The following KIF3B variants were observed in gnomAD, a reference collection of about 807,000 sequenced individuals.
KIF3B encodes kinesin-like protein KIF3B.
A neutral mutation model predicts 74.3 loss-of-function variants in KIF3B; 38 were observed. The observed-to-expected ratio is 0.51, with a 90% CI of 0.39 to 0.67. The LOEUF is 0.67. Among genes scored for constraint, KIF3B ranks in the 30% least tolerant of loss-of-function variants. The pLI, the probability that KIF3B is intolerant of heterozygous loss-of-function variation, is 0.00. For missense variants in KIF3B, 649 were observed against 932.0 expected, an observed-to-expected ratio of 0.70 and a Z score of 3.95; for synonymous variants, 326 against 342.5, an observed-to-expected ratio of 0.95 and a Z score of 0.53.
At chr20:32,287,399 G>A (rs757852520) in intron 1 of KIF3B, among the ~76,000 whole-genome samples, 4 of 151,982 alleles carry the variant, frequency 2.6e-5, no homozygotes, top group Non-Finnish European at 5.9e-5. Context: ...ATAGCTCACC[G>A]TAACCTCCAG....
intron 5 of KIF3B, among the ~76,000 whole-genome samples, chr20:32,322,523 G>A (rs2047865125): frequency 1.4e-5 from 2 of 146,132 alleles, no homozygotes; most frequent in South Asian, 2.1e-4. Flanking sequence ...CAAGAGAATC[G>A]CTTGAACCCT....
intron 1 of KIF3B, among the ~76,000 whole-genome samples, chr20:32,285,629 C>T (rs545295607): frequency 2.0e-5 from 3 of 152,306 alleles, no homozygotes; most frequent in South Asian, 4.1e-4. Flanking sequence ...GCAAGTGACT[C>T]AACCTCTCTA....
rs771819152 is a variant in KIF3B, at chr20:32,327,652, C to T, written c.1959C>T (p.Ala653=). 3 of 1,612,330 alleles carry T rather than the reference C, an allele frequency of 1.9e-6. No homozygotes were observed. The highest frequency in any genetic ancestry group is 2.5e-6 in the Non-Finnish European group (3 of 1,178,912). ...TGTCCATGATGATTCGTCCAGAGGCCCGATATAGGGTGAGAAGATCCTTCT... is the reference window on the plus strand; with the variant it reads ...TGTCCATGATGATTCGTCCAGAGGCTCGATATAGGGTGAGAAGATCCTTCT... ...ARMSMMIRPE[A]RYRAENIVLL... Residue 653 remains alanine, a synonymous_variant, in exon 7 of 9, where the codon GCC becomes GCT. Transcript: ENST00000375712.
Position 32,299,379 on chromosome 20 carries a change from G to GTATATATATATATATATA in KIF3B, c.-65-10326_-65-10309dup, listed in dbSNP as rs1555895040. On this transcript the variant is annotated intron_variant, in intron 1 of 8. Transcript: ENST00000375712. ...CTTGTAACTACTGAATGGTGTGTGT[G>GTATATATATATATATATA]TATATATATATATATATATATATAT... Among the ~76,000 whole-genome samples, 8 of 23,092 alleles carry GTATATATATATATATATA rather than the reference G, an allele frequency of 3.5e-4. 1 individual carries two copies. The highest frequency in any genetic ancestry group is 2.1e-3 in the East Asian group (1 of 476). 15.1% of individuals were successfully genotyped at this position (23,092 alleles called of 152,430 possible).
At position 32,333,502 on chromosome 20, in the gene KIF3B, G is replaced by C. The variant is rs928078787; in HGVS notation, c.*2183G>C. 1 of 151,790 alleles carries C rather than the reference G, an allele frequency of 6.6e-6. No individual in the cohort carries two copies. Among genetic ancestry groups the C allele is most frequent in the African/African-American group, 2.4e-5 (1 of 41,256 alleles). The allele number at this position is 151,790 out of a possible 1,614,324, so 9.4% of individuals were successfully genotyped here. On this transcript the variant is annotated 3_prime_UTR_variant, in exon 9 of 9. Transcript: ENST00000375712. Reference sequence around the variant, plus strand: ...ACAAAAATTTGCCTGGTGTGGTGGTGCATGCCTCTAGTCCTAGCTACTCGG... The same window carrying C: ...ACAAAAATTTGCCTGGTGTGGTGGTCCATGCCTCTAGTCCTAGCTACTCGG...
chr20:32,290,139 T>G (rs2047684613), intron 1 of KIF3B, among the ~76,000 whole-genome samples: 1 of 152,020 alleles, frequency 6.6e-6, no homozygotes, highest in African/African-American at 2.4e-5. Flanking sequence ...TCCCAGCACT[T>G]TAGGAGGCCG....
At chr20:32,317,474 G>T (rs2047833976) in intron 5 of KIF3B, among the ~76,000 whole-genome samples, 1 of 152,054 alleles carries the variant, frequency 6.6e-6, no homozygotes, top group Non-Finnish European at 1.5e-5. Flanking sequence ...ACTTTTTATT[G>T]TGACAATTTT....
chr20:32,309,923 C>A lies in KIF3B; in HGVS notation c.146C>A (p.Thr49Lys), dbSNP rs752014273. 2.5e-6 allele frequency: 4 copies of A among 1,614,008 alleles called. No individual in the cohort carries two copies. The highest frequency in any genetic ancestry group is 3.4e-6 in the Non-Finnish European group (4 of 1,180,030). ...GTGTCTGTGAAGAACCCCAAAGGGA[C>A]GGCCCATGAAATGCCCAAGACCTTC... ...GQVSVKNPKGTAHEMPKTFTF... is the reference protein window; with the variant it reads ...GQVSVKNPKGKAHEMPKTFTF... Residue 49 changes from threonine to lysine, a missense_variant, in exon 2 of 9, where the codon ACG becomes AAG. This residue lies in a region of KIF3B where 96 missense variants were observed against 119.0 expected (regional missense o/e 0.81). Coordinates refer to ENST00000375712, the MANE Select transcript of KIF3B (RefSeq NM_004798.4).
chr20:32,334,248 C>T lies in KIF3B; in HGVS notation c.*2929C>T, dbSNP rs1476267587. ...TTTTCAAGTCACATGTCTCTCAGAC[C>T]CCTGGATTCAGAACCCAAGGCCACA... is the stretch of plus-strand genomic sequence containing the variant. On this transcript the variant is annotated 3_prime_UTR_variant, in exon 9 of 9. Transcript: ENST00000375712. 3 of 152,660 alleles carry T rather than the reference C, an allele frequency of 2.0e-5. No homozygotes were observed. The highest frequency in any genetic ancestry group is 4.4e-5 in the Non-Finnish European group (3 of 68,152). 9.5% of individuals were successfully genotyped at this position (152,660 alleles called of 1,614,324 possible).
intron 5 of KIF3B, among the ~76,000 whole-genome samples, chr20:32,325,251 C>T (rs1394967363): frequency 6.6e-6 from 1 of 152,020 alleles, no homozygotes; most frequent in African/African-American, 2.4e-5. Context: ...TGCGGTGGCA[C>T]GATCTTGGCT....
intron 2 of KIF3B, 92 bp downstream of exon 2, chr20:32,311,273 G>C: frequency 3.0e-6 from 4 of 1,335,876 alleles, no homozygotes; most frequent in Non-Finnish European, 4.0e-6. Context: ...TATGAGGGAT[G>C]ATGTCTCTCA....
rs776208585 is a variant in KIF3B, at chr20:32,316,625, C to T, written c.1605C>T (p.Asp535=). 4.3e-6 allele frequency: 7 copies of T among 1,613,974 alleles called. No homozygotes were observed. The East Asian group carries it at 1.3e-4, about 31-fold the overall frequency. Residue 535 remains aspartate (D), a synonymous_variant, in exon 4 of 9, where the codon GAC becomes GAT. Coordinates refer to ENST00000375712, the MANE Select transcript of KIF3B (RefSeq NM_004798.4). The part of the protein sequence containing the change: ...ETYSSLQQEV[D]IKTKKLKKLF... Reference sequence around the variant, plus strand: ...ACAGCTCATTGCAGCAAGAGGTGGACATCAAGACCAAAAAACTCAAAAAGG... The same window carrying T: ...ACAGCTCATTGCAGCAAGAGGTGGATATCAAGACCAAAAAACTCAAAAAGG...
At chr20:32,317,081 A>C (rs1410135402) in intron 5 of KIF3B, among the ~76,000 whole-genome samples, 1 of 151,850 alleles carries the variant, frequency 6.6e-6, no homozygotes, top group East Asian at 2.0e-4. Context: ...ACTAAGAAAT[A>C]CAAAAATTAG....
intron 1 of KIF3B, among the ~76,000 whole-genome samples, chr20:32,278,122 C>T (rs926151509): frequency 3.1e-4 from 47 of 149,922 alleles, no homozygotes; most frequent in African/African-American, 1.2e-3. Flanking sequence ...CTTTTCACCT[C>T]CCTGGCCTTA....
rs2047788140 is a variant in KIF3B at position 32,309,311 on chromosome 20, A to T, written c.-65-402A>T. On this transcript the variant is annotated intron_variant, in intron 1 of 8. Transcript: ENST00000375712. The stretch of plus-strand genomic sequence containing the variant: ...GCCTCCTAAAATGCTGGGATTACAG[A>T]TGTGAGCTACTGTGTACAGCCTAAT... Among the ~76,000 whole-genome samples, 4 of 151,542 alleles carry T rather than the reference A, an allele frequency of 2.6e-5. No individual in the cohort carries two copies. The South Asian group carries it at 6.3e-4, about 24-fold the overall frequency.
intron 1 of KIF3B, among the ~76,000 whole-genome samples, chr20:32,299,403 A>ATATATATATATATTTT (rs1555895046): frequency 3.3e-4 from 3 of 9,026 alleles, no homozygotes; most frequent in African/African-American, 1.2e-3. Context: ...ATATATATAT[A>ATATATATATATATTTT]TTTTTTTTTT....
chr20:32,281,373 T>C lies in KIF3B; in HGVS notation c.-66+3608T>C, dbSNP rs148314310. On this transcript the variant is annotated intron_variant, in intron 1 of 8. Coordinates refer to ENST00000375712, the MANE Select transcript of KIF3B (RefSeq NM_004798.4). The stretch of plus-strand genomic sequence containing the variant: ...TGCCCGGATTGTATTTATTCAGTAT[T>C]TCCTGAGCACCTAGAATGTGTCAGT... Among the ~76,000 whole-genome samples, 703 of 152,346 alleles carry C rather than the reference T, an allele frequency of 4.6e-3. 6 individuals carry two copies. The highest frequency in any genetic ancestry group is 0.016 in the African/African-American group (647 of 41,586).
At chr20:32,328,544 C>T (rs1242442049) in intron 7 of KIF3B, among the ~76,000 whole-genome samples, 4 of 149,846 alleles carry the variant, frequency 2.7e-5, no homozygotes, top group Non-Finnish European at 5.9e-5. Context: ...AGGCAGGAGG[C>T]GGAGGTTGCA....
At chr20:32,329,959 G>A (rs759318641) in intron 7 of KIF3B, among the ~76,000 whole-genome samples, 182 bp from the exon 8 acceptor site, 14 of 152,172 alleles carry the variant, frequency 9.2e-5, no homozygotes, top group Non-Finnish European at 2.1e-4. Flanking sequence ...GAAAGCAAAA[G>A]CAAAAAATTA....
Sources: allele counts gnomAD v4.1 joint callset (sites outside exome capture counted in the v4.1 genomes callset), GRCh38; gene constraint gnomAD v4.1.1; regional missense constraint gnomAD v4.1.1; transcripts MANE v1.5; gene names NCBI Gene and HGNC (gene_info 2026-07-23, HGNC 2026-07-21).